PCNX3: variants seen among roughly 807,000 people sequenced by gnomAD.
The protein encoded by PCNX3 is pecanex-like protein 3.
A neutral mutation model predicts 207.2 loss-of-function variants in PCNX3; 58 were observed. The observed-to-expected ratio is 0.28, with a 90% CI of 0.23 to 0.35. The LOEUF is 0.35. PCNX3 is among the 10% of genes least tolerant of loss of function. The pLI is 1.00. For synonymous variants in PCNX3, 1,337 were observed against 1,183.5 expected (o/e 1.13, Z -2.66); for missense variants, 2,410 against 2,774.4 (o/e 0.87, Z 2.95).
Position 65,636,797 on chromosome 11 carries a change from T to C in PCNX3, c.5924T>C (p.Leu1975Pro), listed in dbSNP as rs1855868047. The change falls in exon 35 of 35, where the codon CTC (leucine) becomes CCC (proline). Residue 1975 changes from leucine to proline, a missense_variant. Physicochemically the swap from Leu to Pro is moderately conservative, Grantham distance 98 (BLOSUM62 -3). Coordinates refer to ENST00000355703, the MANE Select transcript of PCNX3 (RefSeq NM_032223.4). ...APLDLSLSLS[L>P]SLSPDVSTEA... ...CTAGACCTCAGCCTCAGCCTCAGCCTCAGCCTCAGCCCCGATGTCAGCACT... is the reference window on the plus strand; with the variant it reads ...CTAGACCTCAGCCTCAGCCTCAGCCCCAGCCTCAGCCCCGATGTCAGCACT... 1 of 1,519,134 alleles carries C rather than the reference T, an allele frequency of 6.6e-7. No individual in the cohort carries two copies. Among genetic ancestry groups the C allele is most frequent in the Non-Finnish European group, 8.8e-7 (1 of 1,134,904 alleles). 94.1% of individuals were successfully genotyped at this position (1,519,134 alleles called of 1,614,324 possible).
At position 65,625,852 on chromosome 11, in the gene PCNX3, G is replaced by C; in HGVS notation, c.3229-52G>C. The stretch of plus-strand genomic sequence containing the variant: ...CGGCCTGTGCCAGGTGGCCCTCTGT[G>C]GTCCCTTGGCCTGCTCCCATCAGCT... On this transcript the variant is annotated intron_variant, in intron 19 of 34. Transcript: ENST00000355703. This position sits in a 1 kb window ranked among gnomAD's most constrained non-coding sequence, Gnocchi z 5.6. 1 of 1,600,258 alleles carries C rather than the reference G, an allele frequency of 6.2e-7. No homozygotes were observed. Among genetic ancestry groups the C allele is most frequent in the Non-Finnish European group, 8.5e-7 (1 of 1,172,104 alleles).
chr11:65,617,787 C>G, intron 5 of PCNX3, 81 bp downstream of exon 5: 1 of 1,508,642 alleles, frequency 6.6e-7, no homozygotes. Flanking sequence ...TGGCTCCATC[C>G]TGGGTCTCCT....
At position 65,618,915 on chromosome 11, in the gene PCNX3, T is replaced by C. The variant is rs759804910; in HGVS notation, c.1553T>C (p.Leu518Pro). The C allele has an allele frequency of 2.5e-6, 4 of 1,608,606 alleles. No homozygotes were observed. The highest frequency in any genetic ancestry group is 3.4e-6 in the Non-Finnish European group (4 of 1,178,446). Residue 518 changes from leucine to proline, a missense_variant, in exon 6 of 35, where the codon CTG becomes CCG. By Grantham distance (98) the Leu-to-Pro change is moderately conservative. Coordinates refer to ENST00000355703, the MANE Select transcript of PCNX3 (RefSeq NM_032223.4). Reference protein sequence around the residue: ...GAGGDVLRPPLAGCKAELEAQ... With the variant: ...GAGGDVLRPPPAGCKAELEAQ... ...GGGGGTGATGTTCTGAGGCCCCCAC[T>C]GGCTGGCTGCAAGGCAGAGCTGGAG...
At chr11:65,624,022 G>C (rs1415644402) in intron 13 of PCNX3, 61 bp downstream of exon 13, 2 of 1,602,312 alleles carry the variant, frequency 1.2e-6, no homozygotes, top group Non-Finnish European at 1.7e-6. Flanking sequence ...GAGACCAGGT[G>C]GGGAGGAGGG....
At chr11:65,624,130 T>A in intron 13 of PCNX3, 65 bp from the exon 14 acceptor site, 1 of 1,566,138 alleles carries the variant, frequency 6.4e-7, no homozygotes, top group Non-Finnish European at 8.6e-7. Flanking sequence ...GGCCCTTGAG[T>A]GTGTGCATGT....
At position 65,628,675 on chromosome 11, in the gene PCNX3, C is replaced by G. The variant is rs772246478; in HGVS notation, c.3783C>G (p.His1261Gln). ...AGATCACCTGGGGCTCGGCTTTCCA[C>G]GCTTTTGCCCAGCCGTTTGCCGTGC... ...PWQITWGSAF[H>Q]AFAQPFAVPH... The change falls in exon 23 of 35, where the codon CAC becomes CAG. Residue 1261 changes from histidine (H) to glutamine (Q), a missense_variant. His to Gln is a conservative substitution (Grantham distance 24). Transcript: ENST00000355703. 6.2e-7 allele frequency: 1 copy of G among 1,611,970 alleles called. No individual in the cohort carries two copies. The highest frequency in any genetic ancestry group is 8.5e-7 in the Non-Finnish European group (1 of 1,179,394).
chr11:65,633,460 G>A (rs1170647047), intron 27 of PCNX3, among the ~76,000 whole-genome samples: 1 of 152,194 alleles, frequency 6.6e-6, no homozygotes, highest in Non-Finnish European at 1.5e-5. Flanking sequence ...TTCCGGCCCC[G>A]AGATCTGGAT....
At chr11:65,620,088 G>A (rs939935326) in intron 8 of PCNX3, among the ~76,000 whole-genome samples, 156 bp downstream of exon 8, 1 of 152,238 alleles carries the variant, frequency 6.6e-6, no homozygotes, top group Non-Finnish European at 1.5e-5. Flanking sequence ...CGGTGTCTCT[G>A]TCATCTTTTG....
intron 6 of PCNX3, chr11:65,619,321 T>G: frequency 1.8e-6 from 1 of 551,998 alleles, no homozygotes; most frequent in South Asian, 7.8e-5. Flanking sequence ...ACACTCATCC[T>G]CCCACCACCA....
At position 65,618,485 on chromosome 11, in the gene PCNX3, G is replaced by A. The variant is rs1483153451; in HGVS notation, c.1123G>A (p.Ala375Thr). 6.2e-7 allele frequency: 1 copy of A among 1,608,666 alleles called. No individual in the cohort carries two copies. The highest frequency in any genetic ancestry group is 1.1e-5 in the South Asian group (1 of 90,624). Reference protein sequence around the residue: ...VIGAGTPPGLAEPLLVVRPKD... With the variant: ...VIGAGTPPGLTEPLLVVRPKD... ...TGGAGCAGGGACGCCACCGGGCCTG[G>A]CTGAGCCGCTCCTGGTCGTGCGGCC... Residue 375 changes from alanine (A) to threonine (T), a missense_variant, in exon 6 of 35, where the codon GCT becomes ACT. Ala to Thr is a moderately conservative substitution (Grantham distance 58, BLOSUM62 0). Around this residue, in one of 8 missense-constraint regions of PCNX3, gnomAD observed 1,104 missense variants for 970.3 expected, o/e 1.14. Coordinates refer to ENST00000355703, the MANE Select transcript of PCNX3 (RefSeq NM_032223.4).
chr11:65,624,394 C>G (rs778759378), intron 14 of PCNX3, 28 bp downstream of exon 14: 2 of 1,551,764 alleles, frequency 1.3e-6, no homozygotes, highest in South Asian at 2.4e-5. Context: ...ATGAGGTGGC[C>G]CAGGAGAGTG....
At chr11:65,616,767 T>G (rs1590865346) in intron 1 of PCNX3, 57 bp from the exon 2 acceptor site, 1 of 1,553,270 alleles carries the variant, frequency 6.4e-7, no homozygotes. Flanking sequence ...TGATGGCAGG[T>G]ACATCCTGTG....
rs1286479017 is a variant in PCNX3, at chr11:65,618,470, A to T, written c.1108A>T (p.Thr370Ser). The T allele has an allele frequency of 1.2e-6, 2 of 1,609,004 alleles. No individual in the cohort carries two copies. The highest frequency in any genetic ancestry group is 1.7e-6 in the Non-Finnish European group (2 of 1,178,270). ...RSFDTVIGAGTPPGLAEPLLV... is the reference protein window; with the variant it reads ...RSFDTVIGAGSPPGLAEPLLV... ...CTTTGACACGGTCATTGGAGCAGGG[A>T]CGCCACCGGGCCTGGCTGAGCCGCT... Residue 370 changes from threonine to serine, a missense_variant, in exon 6 of 35, where the codon ACG becomes TCG. Transcript: ENST00000355703.
chr11:65,620,786 C>T (rs1196641084), intron 9 of PCNX3, 45 bp from the exon 10 acceptor site: 1 of 1,577,440 alleles, frequency 6.3e-7, no homozygotes, highest in Non-Finnish European at 8.6e-7. Context: ...CACCCAGCCC[C>T]AGGGCTCGCC....
chr11:65,616,172 C>A lies in PCNX3; in HGVS notation c.-140C>A, dbSNP rs891610846. On this transcript the variant is annotated 5_prime_UTR_variant, in exon 1 of 35. Transcript: ENST00000355703. Reference sequence around the variant, plus strand: ...CTGCTCGCACCCTCGCGCGGCCGAGCCCCCCTCCCCCGCTGGGGGAGGCCA... The same window carrying A: ...CTGCTCGCACCCTCGCGCGGCCGAGACCCCCTCCCCCGCTGGGGGAGGCCA... 1 of 588,996 alleles carries A rather than the reference C, an allele frequency of 1.7e-6. No homozygotes were observed. The highest frequency in any genetic ancestry group is 2.5e-6 in the Non-Finnish European group (1 of 395,588). 36.5% of individuals were successfully genotyped at this position (588,996 alleles called of 1,614,324 possible). A position where few individuals can be genotyped will look rare whatever the true frequency, so the allele number is the denominator to read the frequency against.
At position 65,620,830 on chromosome 11, in the gene PCNX3, G is replaced by T; in HGVS notation, c.2100-1G>T. On this transcript the variant is annotated splice_acceptor_variant, in intron 9 of 34. Transcript: ENST00000355703. LOFTEE classifies it high-confidence loss of function. ...GATCCTGATGGCTGCTGTTCTCACA[G>T]GGACCGACACTCGCATTCCTCCAGC... 1 of 1,595,834 alleles carries T rather than the reference G, an allele frequency of 6.3e-7. No individual in the cohort carries two copies. The highest frequency in any genetic ancestry group is 8.5e-7 in the Non-Finnish European group (1 of 1,172,324).
At position 65,625,779 on chromosome 11, in the gene PCNX3, G is replaced by A. The variant is rs184270864; in HGVS notation, c.3228+35G>A. ...GCATGGGCCGCTGCTGCCTCTCGCT[G>A]TCTTGGCGGGAGCCTGCTCAATCTG... On this transcript the variant is annotated intron_variant, in intron 19 of 34. Transcript: ENST00000355703. This position sits in a 1 kb window ranked among gnomAD's most constrained non-coding sequence, Gnocchi z 5.6. 253 of 1,600,398 alleles carry A rather than the reference G, an allele frequency of 1.6e-4. 1 individual carries two copies. In the African/African-American group the frequency reaches 3.1e-3, roughly 19 times the overall value.
chr11:65,625,620 C>T lies in PCNX3; in HGVS notation c.3136-32C>T, dbSNP rs777086676. 3.3e-5 allele frequency: 53 copies of T among 1,601,100 alleles called. No homozygotes were observed. The highest frequency in any genetic ancestry group is 6.7e-5 in the Admixed American group (4 of 59,290). On this transcript the variant is annotated intron_variant, in intron 18 of 34. Transcript: ENST00000355703. The surrounding 1 kb of genome is among the most constrained non-coding windows in gnomAD (Gnocchi z 5.6). ...TGGGCAGCTGAGTGTCTCTCCTGGC[C>T]GGGCAGCTGAATGTCTCTCCTGGCC... is the stretch of plus-strand genomic sequence containing the variant.
intron 10 of PCNX3, 132 bp from the exon 11 acceptor site, chr11:65,622,113 G>A: frequency 7.0e-7 from 1 of 1,424,826 alleles, no homozygotes; most frequent in South Asian, 1.5e-5. Flanking sequence ...TGTGCTGATG[G>A]AAATGGTCAA....
Sources: allele counts gnomAD v4.1 joint callset (sites outside exome capture counted in the v4.1 genomes callset), GRCh38; gene constraint gnomAD v4.1.1; regional missense constraint gnomAD v4.1.1; non-coding constraint Gnocchi (gnomAD v3.1); transcripts MANE v1.5; gene names NCBI Gene and HGNC (gene_info 2026-07-23, HGNC 2026-07-21).